Variants in VPS13B observed in about 807,000 individuals in gnomAD.
VPS13B encodes the protein vacuolar protein sorting 13 homolog B, also known as intermembrane lipid transfer protein VPS13B.
In VPS13B, 285 loss-of-function variants were observed where a neutral mutation model predicts 426.4. The observed-to-expected ratio is 0.67, with a 90% CI of 0.61 to 0.74. The LOEUF is 0.74. Ranked by LOEUF, VPS13B falls within the 30% of genes least tolerant of loss-of-function variation. The pLI is 0.00. For synonymous variants in VPS13B, 1,676 were observed against 1,676.4 expected (o/e 1.00, Z 0.01); for missense variants, 4,537 against 4,782.6 (o/e 0.95, Z 1.51).
intron 34 of VPS13B, among the ~76,000 whole-genome samples, chr8:99,650,340 C>A (rs1227613327): frequency 6.6e-6 from 1 of 152,166 alleles, no homozygotes; most frequent in Non-Finnish European, 1.5e-5. Flanking sequence ...TCAGGGCTTT[C>A]CTTTCATATA....
chr8:99,731,907 ACC>A (rs1367609952), intron 39 of VPS13B, among the ~76,000 whole-genome samples: 1 of 152,170 alleles, frequency 6.6e-6, no homozygotes, highest in Non-Finnish European at 1.5e-5. Flanking sequence ...GCCTGAATCA[ACC>A]CTGCAGAGAA....
chr8:99,453,785 G>A (rs1426630597), intron 23 of VPS13B, among the ~76,000 whole-genome samples: 4 of 152,086 alleles, frequency 2.6e-5, no homozygotes, highest in Non-Finnish European at 5.9e-5. Flanking sequence ...GACAGAAATA[G>A]TTCATATATC....
At chr8:99,320,364 T>TTAA (rs1809911795) in intron 19 of VPS13B, among the ~76,000 whole-genome samples, 1 of 152,198 alleles carries the variant, frequency 6.6e-6, no homozygotes, top group African/African-American at 2.4e-5. Context: ...TAATCTTTGT[T>TTAA]ACACTAATGT....
chr8:99,730,082 T>G (rs900250288), intron 39 of VPS13B, among the ~76,000 whole-genome samples: 2 of 152,228 alleles, frequency 1.3e-5, no homozygotes, highest in African/African-American at 4.8e-5. Flanking sequence ...TCTTTTCAGC[T>G]GGGTTGGGCA....
chr8:99,729,244 G>T (rs1833488737), intron 39 of VPS13B, among the ~76,000 whole-genome samples: 2 of 152,098 alleles, frequency 1.3e-5, no homozygotes, highest in South Asian at 4.1e-4. Context: ...TTTCCACCCT[G>T]GCTATATTGG....
intron 19 of VPS13B, among the ~76,000 whole-genome samples, chr8:99,322,852 C>T (rs932278245): frequency 2.6e-5 from 4 of 152,158 alleles, no homozygotes; most frequent in Non-Finnish European, 5.9e-5. Context: ...TTCTTAAACA[C>T]GATTGTCTTA....
chr8:99,306,462 A>G (rs1820642120), intron 19 of VPS13B, among the ~76,000 whole-genome samples: 1 of 152,046 alleles, frequency 6.6e-6, no homozygotes, highest in Non-Finnish European at 1.5e-5. Flanking sequence ...TAGAATATAT[A>G]CGTAGTGGAA....
chr8:99,233,965 T>C (rs1420991412), intron 17 of VPS13B: 3 of 785,736 alleles, frequency 3.8e-6, no homozygotes, highest in Admixed American at 3.4e-5. Flanking sequence ...TATGGATGTC[T>C]ACCCGGGACT....
At chr8:99,828,183 C>G (rs1588755511) in intron 51 of VPS13B, among the ~76,000 whole-genome samples, 1 of 151,952 alleles carries the variant, frequency 6.6e-6, no homozygotes, top group East Asian at 1.9e-4. Context: ...TAAAGTCTCC[C>G]ACAATTATGG....
At chr8:99,627,440 G>T (rs1828659284) in intron 33 of VPS13B, among the ~76,000 whole-genome samples, 2 of 151,932 alleles carry the variant, frequency 1.3e-5, no homozygotes, top group African/African-American at 2.4e-5. Context: ...ATTTGAGGTG[G>T]AATCTCGCTC....
chr8:99,190,311 A>G lies in VPS13B; in HGVS notation c.2334-2565A>G, dbSNP rs186982418. Among the ~76,000 whole-genome samples the G allele has an allele frequency of 6.4e-3, 957 of 148,578 alleles. 8 individuals carry two copies. The highest frequency in any genetic ancestry group is 0.022 in the African/African-American group (900 of 40,648). On this transcript the variant is annotated intron_variant, in intron 16 of 61. Coordinates refer to ENST00000357162, the MANE Select transcript of VPS13B (RefSeq NM_152564.5). ...TATCCCCTTAATTTTTAACCTATCT[A>G]CTTTATTATTTAAAGTGGATATATA...
chr8:99,221,240 A>T (rs1037021977), intron 17 of VPS13B, among the ~76,000 whole-genome samples: 102 of 145,590 alleles, frequency 7.0e-4, no homozygotes, highest in African/African-American at 2.5e-3. Flanking sequence ...ATAGTGCCGC[A>T]ATAAACATAC....
Position 99,778,942 on chromosome 8 carries a change from G to C in VPS13B, c.7690G>C (p.Asp2564His). Residue 2564 changes from aspartate to histidine, a missense_variant, in exon 42 of 62, where the codon GAC becomes CAC. Around this residue, in one of 2 missense-constraint regions of VPS13B, gnomAD observed 4,311 missense variants for 4,474.3 expected, o/e 0.96. Transcript: ENST00000357162. ...CAGCGATGTAGTGGAAAAGCTGCTT[G>C]ACTGCACCGTGATAGTTGATTCTGT... Reference protein sequence around the residue: ...VSSDVVEKLLDCTVIVDSVFV... With the variant: ...VSSDVVEKLLHCTVIVDSVFV... 1 of 1,613,914 alleles carries C rather than the reference G, an allele frequency of 6.2e-7. No individual in the cohort carries two copies. The highest frequency in any genetic ancestry group is 8.5e-7 in the Non-Finnish European group (1 of 1,179,870).
intron 17 of VPS13B, among the ~76,000 whole-genome samples, chr8:99,252,927 G>T (rs1213575020): frequency 6.6e-6 from 1 of 151,984 alleles, no homozygotes; most frequent in Non-Finnish European, 1.5e-5. Flanking sequence ...TTTCACCACT[G>T]TCTAAGTTTA....
chr8:99,156,450 A>G, intron 14 of VPS13B, 99 bp from the exon 15 acceptor site: 1 of 1,130,974 alleles, frequency 8.8e-7, no homozygotes, highest in Non-Finnish European at 1.3e-6. Context: ...TTGATTTGAT[A>G]TCACTGCAAA....
chr8:99,436,019 G>A (rs938625356), intron 22 of VPS13B, among the ~76,000 whole-genome samples: 2 of 152,168 alleles, frequency 1.3e-5, no homozygotes, highest in African/African-American at 2.4e-5. Context: ...AGAGCAATGG[G>A]CCAAGGGAAT....
intron 33 of VPS13B, among the ~76,000 whole-genome samples, chr8:99,625,647 A>C (rs540997202): frequency 6.6e-6 from 1 of 152,260 alleles, no homozygotes; most frequent in African/African-American, 2.4e-5. Flanking sequence ...TAAGCCTAAA[A>C]GTTCAAGACC....
intron 56 of VPS13B, among the ~76,000 whole-genome samples, chr8:99,858,192 C>T (rs576801219): frequency 1.1e-4 from 16 of 152,342 alleles, no homozygotes; most frequent in South Asian, 1.0e-3. Context: ...AGTGGCTTCC[C>T]GGAGAAAGCT....
intron 17 of VPS13B, among the ~76,000 whole-genome samples, chr8:99,224,738 A>G (rs1054807265): frequency 2.0e-5 from 3 of 152,086 alleles, no homozygotes; most frequent in African/African-American, 4.8e-5. Context: ...ACATTTTTAC[A>G]TGTTTTTTAT....
Sources: allele counts gnomAD v4.1 joint callset (sites outside exome capture counted in the v4.1 genomes callset), GRCh38; gene constraint gnomAD v4.1.1; regional missense constraint gnomAD v4.1.1; transcripts MANE v1.5; gene names NCBI Gene and HGNC (gene_info 2026-07-23, HGNC 2026-07-21).